Variants in IL13RA1 observed in about 807,000 individuals in gnomAD.
The protein encoded by IL13RA1 is interleukin-13 receptor subunit alpha-1.
Under a neutral mutation model 33.8 loss-of-function variants are expected in IL13RA1, and 14 were observed. The observed-to-expected ratio is 0.41, with a 90% CI of 0.27 to 0.65. IL13RA1 has a LOEUF of 0.65. Ranked by LOEUF, IL13RA1 falls within the 30% of genes least tolerant of loss-of-function variation. The pLI is 0.28. For missense variants in IL13RA1, 313 were observed against 327.0 expected (o/e 0.96, Z 0.33); for synonymous variants, 116 against 115.7 (o/e 1.00, Z -0.02).
the IL13RA1 span, among the ~76,000 whole-genome samples, chrX:118,801,764 C>T: frequency 2.7e-5 from 3 of 111,908 alleles, no homozygotes; most frequent in Non-Finnish European, 3.8e-5. Context: ...AATTTCTTGT[C>T]CCTCCTCATG....
intron 4 of IL13RA1, among the ~76,000 whole-genome samples, chrX:118,755,719 A>T (rs1310357885): frequency 7.1e-5 from 8 of 112,367 alleles, no homozygotes; most frequent in African/African-American, 9.7e-5. Context: ...AGTTCCTTTC[A>T]TCATTAAAAA....
rs746859527 is a variant in IL13RA1 at position 118,749,703 on chromosome X, A to G, written c.413A>G (p.Asn138Ser). The change falls in exon 4 of 11, where the codon AAC becomes AGC. Residue 138 changes from asparagine to serine, a missense_variant. Transcript: ENST00000371666. ...ACTGAGCTTCAATGCATTTGGCACA[A>G]CCTGAGCTACATGAAGTGTTCTTGG... Reference protein sequence around the residue: ...AVTELQCIWHNLSYMKCSWLP... With the variant: ...AVTELQCIWHSLSYMKCSWLP... The G allele has an allele frequency of 1.4e-5, 17 of 1,189,570 alleles. No individual in the cohort carries two copies. The highest frequency in any genetic ancestry group is 7.0e-5 in the African/African-American group (4 of 56,774).
Position 118,761,263 on chromosome X carries a change from C to A in IL13RA1, c.802C>A (p.Gln268Lys). The change falls in exon 6 of 11, where the codon CAA (glutamine) becomes AAA (lysine). Residue 268 changes from glutamine to lysine, a missense_variant. Physicochemically the swap from Gln to Lys is moderately conservative, Grantham distance 53 (BLOSUM62 1). Coordinates refer to ENST00000371666, the MANE Select transcript of IL13RA1 (RefSeq NM_001560.3). ...TTATGAAGTAGAAGTCAATAACAGC[C>A]AAACTGAGACACATAATGTTTTCTA... is the stretch of plus-strand genomic sequence containing the variant. ...LFYEVEVNNS[Q>K]TETHNVFYVQ... 9.6e-7 allele frequency: 1 copy of A among 1,039,538 alleles called. No homozygotes were observed. Among genetic ancestry groups the A allele is most frequent in the Non-Finnish European group, 1.3e-6 (1 of 758,268 alleles). The allele number at this position is 1,039,538 out of a possible 1,213,427, so 85.7% of individuals were successfully genotyped here.
chrX:118,737,546 A>G (rs924571744), intron 1 of IL13RA1, among the ~76,000 whole-genome samples: 1 of 111,869 alleles, frequency 8.9e-6, no homozygotes, highest in Non-Finnish European at 1.9e-5. Flanking sequence ...GGAGGAAACC[A>G]GAAGAGAAAA....
At chrX:118,767,049 T>G (rs2017657659) in intron 8 of IL13RA1, 73 bp downstream of exon 8, 1 of 547,194 alleles carries the variant, frequency 1.8e-6, no homozygotes, top group Non-Finnish European at 2.9e-6. Flanking sequence ...GAAAATAGAC[T>G]GGGGAAAGGG....
chrX:118,786,399 A>G (rs2017917862), intron 10 of IL13RA1, among the ~76,000 whole-genome samples: 1 of 110,853 alleles, frequency 9.0e-6, no homozygotes, highest in African/African-American at 3.3e-5. Context: ...TCAAAAAAAA[A>G]AAAAATTATT....
chrX:118,784,099 A>G (rs1165870845), intron 10 of IL13RA1, among the ~76,000 whole-genome samples: 2 of 67,114 alleles, frequency 3.0e-5, no homozygotes, highest in Non-Finnish European at 5.3e-5. Flanking sequence ...AAATATATAT[A>G]TATATATATA....
the IL13RA1 span, among the ~76,000 whole-genome samples, chrX:118,799,958 G>A: frequency 9.1e-5 from 9 of 98,805 alleles, no homozygotes; most frequent in African/African-American, 3.4e-4. Flanking sequence ...TACACCAATC[G>A]GCACTCTGTA....
intron 8 of IL13RA1, among the ~76,000 whole-genome samples, chrX:118,767,195 G>A (rs911216088): frequency 8.9e-6 from 1 of 111,771 alleles, no homozygotes; most frequent in African/African-American, 3.3e-5. Context: ...ATGGTTTTAT[G>A]TTCTTTTCTA....
At chrX:118,739,689 T>TCTCAG (rs1346966360) in intron 1 of IL13RA1, among the ~76,000 whole-genome samples, 4 of 111,216 alleles carry the variant, frequency 3.6e-5, no homozygotes, top group Non-Finnish European at 7.5e-5. Context: ...CAGGAGAACT[T>TCTCAG]CTCAGGAAAG....
chrX:118,767,640 T>C (rs1199363575), intron 8 of IL13RA1, among the ~76,000 whole-genome samples: 1 of 111,633 alleles, frequency 9.0e-6, no homozygotes, highest in African/African-American at 3.3e-5. Flanking sequence ...AGTGGAGCCA[T>C]TTAATAGAAA....
chrX:118,762,135 C>G (rs894900206), intron 6 of IL13RA1, among the ~76,000 whole-genome samples: 3 of 112,568 alleles, frequency 2.7e-5, no homozygotes, highest in Non-Finnish European at 5.6e-5. Flanking sequence ...GGACACTGAC[C>G]AGAGTGTACT....
At chrX:118,761,101 T>C (rs564348708) in intron 5 of IL13RA1, 37 bp from the exon 6 acceptor site, 3 of 730,974 alleles carry the variant, frequency 4.1e-6, no homozygotes, top group South Asian at 6.5e-5. Context: ...ATAATCAAGC[T>C]TTGGAAGCTT....
intron 4 of IL13RA1, among the ~76,000 whole-genome samples, chrX:118,753,059 T>A (rs777676661): frequency 3.6e-5 from 4 of 111,827 alleles, no homozygotes; most frequent in Non-Finnish European, 7.5e-5. Context: ...GGAAAACCTT[T>A]AAAGAATCTA....
intron 4 of IL13RA1, among the ~76,000 whole-genome samples, chrX:118,754,075 G>T: frequency 8.9e-6 from 1 of 111,977 alleles, no homozygotes; most frequent in Admixed American, 9.4e-5. Flanking sequence ...TCTGTTGGAT[G>T]GTGCTGGTAT....
chrX:118,799,936 A>C, the IL13RA1 span, among the ~76,000 whole-genome samples: 1 of 94,288 alleles, frequency 1.1e-5, no homozygotes, highest in South Asian at 5.9e-4. Flanking sequence ...TGTCTAGCTC[A>C]GGGATTGTAA....
chrX:118,785,361 C>G (rs2017904381), intron 10 of IL13RA1, among the ~76,000 whole-genome samples: 1 of 111,229 alleles, frequency 9.0e-6, no homozygotes, highest in South Asian at 3.8e-4. Context: ...TTCCAGAGTT[C>G]AGGAATTATA....
In IL13RA1 at chrX:118,784,090, A is replaced by ATAT. The variant is rs1200223891; in HGVS notation, c.1191+7579_1191+7580insTAT. ...AGACTCTGTCGCCAAAAAAAAAAAAAATATATATATATATATATACGTATA... is the reference window on the plus strand; with the variant it reads ...AGACTCTGTCGCCAAAAAAAAAAAAATATATATATATATATATATATACGTATA... On this transcript the variant is annotated intron_variant, in intron 10 of 10. Coordinates refer to ENST00000371666, the MANE Select transcript of IL13RA1 (RefSeq NM_001560.3). Among the ~76,000 whole-genome samples, 101 of 63,917 alleles carry ATAT rather than the reference A, an allele frequency of 1.6e-3. 1 individual carries two copies. The highest frequency in any genetic ancestry group is 9.3e-3 in the Middle Eastern group (1 of 107). The allele number at this position is 63,917 out of a possible 115,157, so 55.5% of individuals were successfully genotyped here.
rs1391899868 is a variant in IL13RA1 at position 118,793,626 on chromosome X, A to C, written c.*1772A>C. On this transcript the variant is annotated 3_prime_UTR_variant, in exon 11 of 11. Coordinates refer to ENST00000371666, the MANE Select transcript of IL13RA1 (RefSeq NM_001560.3). The stretch of plus-strand genomic sequence containing the variant: ...CCACCCCATTTCTCTCCTCACACAC[A>C]GACTCATATTACTGGTAGGAACTTG... The C allele has an allele frequency of 1.2e-4, 14 of 112,207 alleles. No individual in the cohort carries two copies. Among genetic ancestry groups the C allele is most frequent in the Non-Finnish European group, 2.6e-4 (14 of 53,250 alleles). The allele number at this position is 112,207 out of a possible 1,213,427, so 9.2% of individuals were successfully genotyped here.
Sources: allele counts gnomAD v4.1 joint callset (sites outside exome capture counted in the v4.1 genomes callset), GRCh38; gene constraint gnomAD v4.1.1; transcripts MANE v1.5; gene names NCBI Gene and HGNC (gene_info 2026-07-23, HGNC 2026-07-21).